Variants in COMMD10 observed in about 807,000 individuals in gnomAD.
COMMD10 encodes the protein COMM domain containing 10, also known as COMM domain-containing protein 10.
Under a neutral mutation model 28.9 loss-of-function variants are expected in COMMD10, and 33 were observed. The observed-to-expected ratio is 1.14, with a 90% CI of 0.87 to 1.53. The LOEUF (loss-of-function observed/expected upper bound fraction) is 1.53. Among genes scored for constraint, COMMD10 ranks in the 40% most tolerant of loss-of-function variants. The pLI is 0.00. For missense variants in COMMD10, 310 were observed against 233.4 expected (o/e 1.33, Z -2.14); for synonymous variants, 110 against 81.7 (o/e 1.35, Z -1.87).
intron 5 of COMMD10, among the ~76,000 whole-genome samples, chr5:116,137,795 T>C (rs1227982402): frequency 6.6e-6 from 1 of 152,012 alleles, no homozygotes; most frequent in Admixed American, 6.6e-5. Context: ...CTTTCCTGTT[T>C]TGCTATTAAT....
intron 5 of COMMD10, 77 bp downstream of exon 5, chr5:116,134,255 TC>T (rs1751958847): frequency 3.9e-6 from 3 of 766,224 alleles, no homozygotes; most frequent in Non-Finnish European, 2.2e-6. Flanking sequence ...CAGTCTTTGC[TC>T]TCTGGATTTA....
intron 5 of COMMD10, among the ~76,000 whole-genome samples, chr5:116,157,730 T>C (rs997010854): frequency 2.0e-5 from 3 of 152,162 alleles, no homozygotes; most frequent in Non-Finnish European, 4.4e-5. Context: ...ATTGGAGTCA[T>C]TTTTGCAATT....
chr5:116,268,165 C>T (rs1253338520), intron 5 of COMMD10, among the ~76,000 whole-genome samples: 1 of 151,858 alleles, frequency 6.6e-6, no homozygotes, highest in Non-Finnish European at 1.5e-5. Flanking sequence ...AACAGGCAAC[C>T]TACAGAATGG....
intron 4 of COMMD10, among the ~76,000 whole-genome samples, chr5:116,131,367 G>T (rs1751854594): frequency 6.6e-6 from 1 of 151,664 alleles, no homozygotes; most frequent in Admixed American, 6.6e-5. Context: ...TATTGTATGT[G>T]TGACAGGTGG....
chr5:116,112,259 G>C (rs1212825124), intron 4 of COMMD10, among the ~76,000 whole-genome samples: 2 of 151,930 alleles, frequency 1.3e-5, no homozygotes, highest in Non-Finnish European at 2.9e-5. Flanking sequence ...TGCTTTATCT[G>C]ATAAAAATAT....
Position 116,292,517 on chromosome 5 carries a change from C to G in COMMD10, c.*28C>G. 1 of 1,563,742 alleles carries G rather than the reference C, an allele frequency of 6.4e-7. No individual in the cohort carries two copies. The highest frequency in any genetic ancestry group is 1.2e-5 in the South Asian group (1 of 84,710). ...TTTTCGAAGACTGTTTTTTTCATCA[C>G]GCTCCTGCCACCTCATTATTTTGCA... On this transcript the variant is annotated 3_prime_UTR_variant, in exon 7 of 7. Transcript: ENST00000274458.
chr5:116,186,170 T>TTA (rs1318765322), intron 5 of COMMD10, among the ~76,000 whole-genome samples: 1 of 152,154 alleles, frequency 6.6e-6, no homozygotes, highest in African/African-American at 2.4e-5. Context: ...ATTAATCAAC[T>TTA]TATTGGTTCA....
intron 4 of COMMD10, among the ~76,000 whole-genome samples, chr5:116,133,493 T>C (rs2112771729): frequency 6.6e-6 from 1 of 152,348 alleles, no homozygotes; most frequent in East Asian, 1.9e-4. Flanking sequence ...TAACACTTGC[T>C]GGGTAGTAGA....
At chr5:116,285,501 C>A (rs560657796) in intron 5 of COMMD10, among the ~76,000 whole-genome samples, 4 of 151,908 alleles carry the variant, frequency 2.6e-5, no homozygotes. Context: ...GAAACACTTA[C>A]CACTGCTGTA....
At chr5:116,152,736 A>G (rs945667298) in intron 5 of COMMD10, among the ~76,000 whole-genome samples, 6 of 151,996 alleles carry the variant, frequency 3.9e-5, no homozygotes, top group Non-Finnish European at 7.4e-5. Flanking sequence ...GGATGGTCCA[A>G]TTTTCATCCC....
At chr5:116,266,468 G>GT (rs1406384362) in intron 5 of COMMD10, among the ~76,000 whole-genome samples, 1 of 151,674 alleles carries the variant, frequency 6.6e-6, no homozygotes, top group Admixed American at 6.6e-5. Flanking sequence ...TATGGATATT[G>GT]TTTTTTACAT....
intron 5 of COMMD10, among the ~76,000 whole-genome samples, chr5:116,209,578 C>CT (rs1426129307): frequency 2.6e-5 from 4 of 152,182 alleles, no homozygotes; most frequent in Non-Finnish European, 5.9e-5. Context: ...ATGTGTGGTA[C>CT]TACTGAACTG....
chr5:116,122,775 CTCTG>C (rs1414917062), intron 4 of COMMD10, among the ~76,000 whole-genome samples: 2 of 151,954 alleles, frequency 1.3e-5, no homozygotes, highest in African/African-American at 2.4e-5. Flanking sequence ...TGATTTGGCT[CTCTG>C]TCTGTTATTG....
chr5:116,292,397 A>G, intron 6 of COMMD10, 54 bp from the exon 7 acceptor site: 1 of 1,245,370 alleles, frequency 8.0e-7, no homozygotes, highest in Non-Finnish European at 1.1e-6. Context: ...AACACTTGAT[A>G]TGAGTTTCGT....
At chr5:116,221,633 T>C (rs1749261402) in intron 5 of COMMD10, among the ~76,000 whole-genome samples, 1 of 152,182 alleles carries the variant, frequency 6.6e-6, no homozygotes, top group South Asian at 2.1e-4. Flanking sequence ...AATTATTTGG[T>C]TTGACTTTGG....
intron 4 of COMMD10, among the ~76,000 whole-genome samples, chr5:116,122,474 TG>T (rs1346521157): frequency 6.6e-6 from 1 of 152,242 alleles, no homozygotes; most frequent in Non-Finnish European, 1.5e-5. Context: ...GGCTCTTTTT[TG>T]GTTCCATATG....
At chr5:116,104,460 G>A (rs1015543931) in intron 4 of COMMD10, among the ~76,000 whole-genome samples, 1 of 152,112 alleles carries the variant, frequency 6.6e-6, no homozygotes, top group Non-Finnish European at 1.5e-5. Flanking sequence ...TGTTATTGGT[G>A]TATAGGGATG....
intron 5 of COMMD10, among the ~76,000 whole-genome samples, chr5:116,286,665 T>C (rs983318497): frequency 6.6e-6 from 1 of 151,816 alleles, no homozygotes; most frequent in Non-Finnish European, 1.5e-5. Context: ...TATTTGTAGA[T>C]TTCCCAGTTT....
intron 5 of COMMD10, among the ~76,000 whole-genome samples, chr5:116,153,060 G>T (rs762514356): frequency 2.4e-4 from 37 of 151,974 alleles, no homozygotes; most frequent in Non-Finnish European, 3.8e-4. Context: ...GCATATTTGT[G>T]CATCTTTTCG....
Sources: gnomAD v4.1 joint callset for allele counts (sites outside exome capture counted in the v4.1 genomes callset) on GRCh38, gnomAD v4.1.1 for gene constraint, MANE v1.5 for transcripts, NCBI Gene and HGNC (gene_info 2026-07-23, HGNC 2026-07-21) for gene names.